The following KLRC1 variants were observed in gnomAD, a reference collection of about 807,000 sequenced individuals.
KLRC1 encodes the protein NKG2-A/NKG2-B type II integral membrane protein.
In KLRC1, 22 loss-of-function variants were observed where a neutral mutation model predicts 25.9. That is an observed-to-expected ratio of 0.85 (90% confidence interval 0.61 to 1.21). KLRC1 has a LOEUF of 1.21. Ranked by LOEUF, KLRC1 falls within the 50% of genes most tolerant of loss-of-function variation. KLRC1 has a pLI of 0.00. For missense variants in KLRC1, 240 were observed against 272.2 expected, an observed-to-expected ratio of 0.88 and a Z score of 0.83; for synonymous variants, 77 against 93.1, an observed-to-expected ratio of 0.83 and a Z score of 0.99.
downstream of KLRC1, among the ~76,000 whole-genome samples, chr12:10,445,422 C>T (rs563066724): frequency 6.6e-6 from 1 of 152,028 alleles, no homozygotes; most frequent in Non-Finnish European, 1.5e-5. Flanking sequence ...AAAACTGCTT[C>T]GATATGAGAA....
At chr12:10,447,887 C>T (rs984690522) in intron 5 of KLRC1, among the ~76,000 whole-genome samples, 4 of 152,144 alleles carry the variant, frequency 2.6e-5, no homozygotes, top group Non-Finnish European at 5.9e-5. Flanking sequence ...AAATAAGTCT[C>T]CTGATACTGT....
intron 4 of KLRC1, 109 bp downstream of exon 4, chr12:10,449,805 A>G (rs1864082858): frequency 2.3e-6 from 2 of 860,940 alleles, no homozygotes; most frequent in Admixed American, 7.6e-5. Flanking sequence ...ATTTATGAAC[A>G]CTTATTGCCA....
chr12:10,446,176 G>A lies in KLRC1; in HGVS notation c.*375C>T, dbSNP rs61610254. On this transcript the variant is annotated 3_prime_UTR_variant, in exon 7 of 7. Coordinates refer to ENST00000359151, the MANE Select transcript of KLRC1 (RefSeq NM_002259.5). The stretch of plus-strand genomic sequence containing the variant: ...CTGAAATTTAGAAAGTTTTCATCAC[G>A]ACACAAAGTAACGTTCTATCAGTTA... 53,689 of 185,576 alleles carry A rather than the reference G, an allele frequency of 0.29. 9,562 individuals carry two copies. Among genetic ancestry groups the A allele is most frequent in the African/African-American group, 0.52 (21,628 of 41,840 alleles). The allele number at this position is 185,576 out of a possible 1,614,324, so 11.5% of individuals were successfully genotyped here.
chr12:10,449,501 T>A (rs1864075370), intron 4 of KLRC1, 113 bp from the exon 5 acceptor site: 1 of 1,502,138 alleles, frequency 6.7e-7, no homozygotes. Context: ...TCTATACATC[T>A]TCATGGGCTG....
At chr12:10,445,011 C>T (rs1863958593), downstream of KLRC1, among the ~76,000 whole-genome samples, 1 of 149,370 alleles carries the variant, frequency 6.7e-6, no homozygotes, top group Admixed American at 6.8e-5. Flanking sequence ...CCTCCGACCC[C>T]TGGTTTGAAG....
chr12:10,445,713 T>A (rs758346724), downstream of KLRC1, among the ~76,000 whole-genome samples: 23 of 152,150 alleles, frequency 1.5e-4, no homozygotes, highest in Non-Finnish European at 2.6e-4. Context: ...GATTTACATA[T>A]ATAAAATCAG....
chr12:10,446,450 A>G lies in KLRC1; in HGVS notation c.*101T>C. 1 of 1,441,564 alleles carries G rather than the reference A, an allele frequency of 6.9e-7. No individual in the cohort carries two copies. The highest frequency in any genetic ancestry group is 1.4e-5 in the African/African-American group (1 of 69,390). 89.3% of individuals were successfully genotyped at this position (1,441,564 alleles called of 1,614,324 possible). A position where few individuals can be genotyped will look rare whatever the true frequency, so the allele number is the denominator to read the frequency against. On this transcript the variant is annotated 3_prime_UTR_variant, in exon 7 of 7. Transcript: ENST00000359151. ...TGATTTAGAATTTTCTTATTAGAGC[A>G]AATAACATAATTCATTTTAAGATTT... is the stretch of plus-strand genomic sequence containing the variant.
rs1271319375 is a variant in KLRC1, at chr12:10,446,528, C to G, written c.*23G>C. ...AGAAATATACAATTTATCTGATGCA[C>G]TGCAAATGCAAACGCTTTACCTCTA... On this transcript the variant is annotated 3_prime_UTR_variant, in exon 7 of 7. Transcript: ENST00000359151. 3.1e-6 allele frequency: 5 copies of G among 1,596,190 alleles called. 1 individual carries two copies. The Admixed American group carries it at 8.6e-5, about 27-fold the overall frequency.
chr12:10,445,142 T>A (rs1863960401), downstream of KLRC1, among the ~76,000 whole-genome samples: 1 of 151,654 alleles, frequency 6.6e-6, no homozygotes, highest in Non-Finnish European at 1.5e-5. Context: ...ATGGTCTCAA[T>A]CTCTTGACCT....
In KLRC1 at chr12:10,447,550, CCATT is replaced by C. The variant is rs1164426598; in HGVS notation, c.568_571del (p.Asn190ValfsTer8). The C allele has an allele frequency of 6.2e-7, 1 of 1,609,658 alleles. No homozygotes were observed. The highest frequency in any genetic ancestry group is 1.3e-5 in the African/African-American group (1 of 74,948). ...AACTTACTCATGTTTGAAAGCCAAA[CCATT>C]CATTGTCACCCATGGATGATGACTG... On this transcript the variant is annotated frameshift_variant, in exon 6 of 7. Transcript: ENST00000359151. LOFTEE classifies it low-confidence loss of function (END_TRUNC).
At chr12:10,444,494 A>G (rs1231092765), downstream of KLRC1, among the ~76,000 whole-genome samples, 1 of 152,200 alleles carries the variant, frequency 6.6e-6, no homozygotes, top group African/African-American at 2.4e-5. Context: ...TTTCTAGATT[A>G]AACATGGCAA....
intron 5 of KLRC1, among the ~76,000 whole-genome samples, chr12:10,448,794 C>T (rs574005645): frequency 1.5e-4 from 23 of 152,082 alleles, no homozygotes; most frequent in Non-Finnish European, 2.8e-4. Flanking sequence ...AGCAGGTAAA[C>T]GTTATTTATA....
rs1286741683 is a variant in KLRC1, at chr12:10,450,950, G to A, written c.187+20C>T. ...TGCACATCCTAGACTGTTATATTGA[G>A]GATCTTTTAAATGCTTTACCTTTGC... is the stretch of plus-strand genomic sequence containing the variant. On this transcript the variant is annotated intron_variant, in intron 2 of 6. Transcript: ENST00000359151. The A allele has an allele frequency of 1.3e-6, 2 of 1,569,902 alleles. No individual in the cohort carries two copies. Among genetic ancestry groups the A allele is most frequent in the East Asian group, 2.2e-5 (1 of 44,710 alleles).
chr12:10,448,397 C>T (rs1166471152), intron 5 of KLRC1, among the ~76,000 whole-genome samples: 1 of 152,136 alleles, frequency 6.6e-6, no homozygotes, highest in Non-Finnish European at 1.5e-5. Context: ...GAAGGGGAGT[C>T]CCCTCCGCAA....
rs144680938 is a variant in KLRC1, at chr12:10,450,182, T to C, written c.284-215A>G. 7.7e-3 allele frequency: 3,368 copies of C among 438,896 alleles called. 20 individuals carry two copies. The highest frequency in any genetic ancestry group is 0.01 in the Non-Finnish European group (2,649 of 254,228). 27.2% of individuals were successfully genotyped at this position (438,896 alleles called of 1,614,324 possible). A position where few individuals can be genotyped will look rare whatever the true frequency, so the allele number is the denominator to read the frequency against. On this transcript the variant is annotated intron_variant, in intron 3 of 6. Coordinates refer to ENST00000359151, the MANE Select transcript of KLRC1 (RefSeq NM_002259.5). ...ATTTCACCATCTCATATAGTTCTTA[T>C]AATTCTTGATTTAACTACTTTCAAA...
chr12:10,444,302 G>A (rs1298720559), downstream of KLRC1, among the ~76,000 whole-genome samples: 1 of 145,510 alleles, frequency 6.9e-6, no homozygotes, highest in Non-Finnish European at 1.5e-5. Context: ...AGAACAGCAA[G>A]GCCAAAGGTA....
At chr12:10,444,889 C>A (rs1863956067), downstream of KLRC1, among the ~76,000 whole-genome samples, 1 of 150,612 alleles carries the variant, frequency 6.6e-6, no homozygotes. Flanking sequence ...ACAAATCTTA[C>A]CCTACATAAA....
intron 1 of KLRC1, 44 bp downstream of exon 1, chr12:10,453,154 A>C (rs1864157744): frequency 1.7e-5 from 15 of 891,388 alleles, no homozygotes; most frequent in Non-Finnish European, 1.9e-5. Context: ...ATCACCCACT[A>C]AATGAGGTAG....
chr12:10,445,973 T>C (rs561255384), downstream of KLRC1: 1 of 150,414 alleles, frequency 6.6e-6, no homozygotes, highest in African/African-American at 2.4e-5. Context: ...AAGAAGCTAA[T>C]CTTTAAAAAT....
Sources: allele counts gnomAD v4.1 joint callset (sites outside exome capture counted in the v4.1 genomes callset), GRCh38; gene constraint gnomAD v4.1.1; transcripts MANE v1.5; gene names NCBI Gene and HGNC (gene_info 2026-07-23, HGNC 2026-07-21).